Variants in GSK3B observed in about 807,000 individuals in gnomAD.
The protein encoded by GSK3B is glycogen synthase kinase 3 beta, also known as glycogen synthase kinase-3 beta.
In GSK3B, 15 loss-of-function variants were observed where a neutral mutation model predicts 56.4. That is an observed-to-expected ratio of 0.27 (90% CI 0.18 to 0.41). GSK3B has a LOEUF of 0.41. Among genes scored for constraint, GSK3B ranks in the 10% least tolerant of loss-of-function variants. The pLI is 1.00. For synonymous variants in GSK3B, 181 were observed against 188.9 expected (o/e 0.96, Z 0.34); for missense variants, 300 against 513.4 (o/e 0.58, Z 4.02).
chr3:120,018,202 C>T (rs562401463), intron 1 of GSK3B, among the ~76,000 whole-genome samples: 4 of 152,292 alleles, frequency 2.6e-5, no homozygotes, highest in African/African-American at 7.2e-5. Flanking sequence ...GGAACTGAGA[C>T]TCAAAAAATA....
chr3:119,988,657 T>A (rs1017363529), intron 2 of GSK3B, among the ~76,000 whole-genome samples: 3 of 152,218 alleles, frequency 2.0e-5, no homozygotes, highest in African/African-American at 7.2e-5. Context: ...AGACCAGGAA[T>A]ACCAAGTTAT....
chr3:119,999,089 T>C (rs2057651110), intron 2 of GSK3B, among the ~76,000 whole-genome samples: 1 of 152,160 alleles, frequency 6.6e-6, no homozygotes, highest in South Asian at 2.1e-4. Flanking sequence ...TTAATAGCTA[T>C]CAATTGAACA....
rs2058536022 is a variant in GSK3B, at chr3:120,093,773, A to G, written c.-339T>C. The G allele has an allele frequency of 3.7e-6, 1 of 273,870 alleles. No individual in the cohort carries two copies. Among genetic ancestry groups the G allele is most frequent in the Non-Finnish European group, 6.9e-6 (1 of 144,290 alleles). The allele number at this position is 273,870 out of a possible 1,614,324, so 17.0% of individuals were successfully genotyped here. On this transcript the variant is annotated 5_prime_UTR_variant, in exon 1 of 11. Transcript: ENST00000264235. ...TGTATCACGTGAAACGGGGGCAAATACTTGATTGAAAATGAGTACTTCGAA... is the reference window on the plus strand; with the variant it reads ...TGTATCACGTGAAACGGGGGCAAATGCTTGATTGAAAATGAGTACTTCGAA...
chr3:119,888,189 C>T (rs1466099216), intron 7 of GSK3B, among the ~76,000 whole-genome samples: 1 of 151,994 alleles, frequency 6.6e-6, no homozygotes, highest in Admixed American at 6.6e-5. Context: ...ATGATATTTC[C>T]CCCTCATTAA....
At chr3:119,843,704 G>A (rs1415039986) in intron 9 of GSK3B, 1 of 160,256 alleles carries the variant, frequency 6.2e-6, no homozygotes, top group African/African-American at 2.4e-5. Flanking sequence ...AAGAGACTTG[G>A]ACTCCCACAC....
intron 1 of GSK3B, among the ~76,000 whole-genome samples, chr3:120,070,322 C>T (rs2058316726): frequency 6.6e-6 from 1 of 151,712 alleles, no homozygotes; most frequent in Non-Finnish European, 1.5e-5. Context: ...CCAACCTAAG[C>T]CTTATTATTG....
At chr3:120,085,322 T>C (rs1470431091) in intron 1 of GSK3B, among the ~76,000 whole-genome samples, 2 of 152,166 alleles carry the variant, frequency 1.3e-5, no homozygotes, top group Admixed American at 6.5e-5. Context: ...CTTTCCTTCA[T>C]AATTTAAGTA....
At chr3:119,910,586 G>T (rs2056725988) in intron 6 of GSK3B, among the ~76,000 whole-genome samples, 1 of 152,214 alleles carries the variant, frequency 6.6e-6, no homozygotes, top group Non-Finnish European at 1.5e-5. Context: ...GGTGGCAGTT[G>T]CTGAAGGCTA....
rs1212233043 is a variant in GSK3B, at chr3:119,824,646, T to G, written c.*2142A>C. The G allele has an allele frequency of 1.0e-5, 2 of 198,732 alleles. No individual in the cohort carries two copies. Among genetic ancestry groups the G allele is most frequent in the East Asian group, 1.6e-4 (2 of 12,872 alleles). 12.3% of individuals were successfully genotyped at this position (198,732 alleles called of 1,614,324 possible). On this transcript the variant is annotated 3_prime_UTR_variant, in exon 11 of 11. Transcript: ENST00000264235. ...GAGTTATGCTGCCAAATACTTTGAT[T>G]TCAGACTTCTTTCAAATCTTAGCTT... is the stretch of plus-strand genomic sequence containing the variant.
intron 8 of GSK3B, among the ~76,000 whole-genome samples, chr3:119,873,939 A>G (rs538710809): frequency 2.0e-5 from 3 of 152,282 alleles, no homozygotes; most frequent in Admixed American, 6.5e-5. Flanking sequence ...GAACTGAGTC[A>G]TTATTCTACA....
chr3:119,871,751 T>C (rs1295316428), intron 8 of GSK3B, among the ~76,000 whole-genome samples: 1 of 152,114 alleles, frequency 6.6e-6, no homozygotes, highest in Non-Finnish European at 1.5e-5. Context: ...GGGGAACAAC[T>C]AGGAGACAAT....
chr3:120,088,390 TTAACTC>T (rs1487697301), intron 1 of GSK3B, among the ~76,000 whole-genome samples: 6 of 152,226 alleles, frequency 3.9e-5, no homozygotes, highest in South Asian at 2.1e-4. Flanking sequence ...ACAAACTTCT[TTAACTC>T]TACTCAGTTT....
chr3:119,838,910 A>C lies in GSK3B; in HGVS notation c.1195+4345T>G, dbSNP rs983195339. Among the ~76,000 whole-genome samples, 40 of 152,218 alleles carry C rather than the reference A, an allele frequency of 2.6e-4. 1 individual carries two copies. The highest frequency in any genetic ancestry group is 4.4e-5 in the Non-Finnish European group (3 of 68,034). ...TTGTTTTATACTATAATGCTTTCCC[A>C]CAAGTTTTTATCAGCTCACATACAG... On this transcript the variant is annotated intron_variant, in intron 10 of 10. Coordinates refer to ENST00000264235, the MANE Select transcript of GSK3B (RefSeq NM_001146156.2).
In GSK3B at chr3:119,989,561, C is replaced by T. The variant is rs190484638; in HGVS notation, c.282+12485G>A. 1.5e-3 allele frequency among the ~76,000 whole-genome samples: 224 copies of T among 151,532 alleles called. 2 individuals are homozygous for T. The highest frequency in any genetic ancestry group is 5.1e-3 in the African/African-American group (210 of 41,292). ...CTCGGGGGCTGAGACAGGAGAACTG[C>T]TTGAACCTGGGAGTTGGAGGTTGCA... On this transcript the variant is annotated intron_variant, in intron 2 of 10. Coordinates refer to ENST00000264235, the MANE Select transcript of GSK3B (RefSeq NM_001146156.2).
chr3:119,987,943 G>T (rs1445291146), intron 2 of GSK3B, among the ~76,000 whole-genome samples: 1 of 152,078 alleles, frequency 6.6e-6, no homozygotes, highest in African/African-American at 2.4e-5. Context: ...AATTACAATC[G>T]TTATGTTAAA....
intron 1 of GSK3B, among the ~76,000 whole-genome samples, chr3:120,091,079 C>G (rs76332250): frequency 6.6e-6 from 1 of 152,266 alleles, no homozygotes; most frequent in Non-Finnish European, 1.5e-5. Context: ...AACCATCAGT[C>G]TCACCCCTTT....
At chr3:119,992,728 T>C (rs891710991) in intron 2 of GSK3B, among the ~76,000 whole-genome samples, 5 of 151,704 alleles carry the variant, frequency 3.3e-5, no homozygotes, top group Admixed American at 6.6e-5. Context: ...TCAGGGTTGA[T>C]TGGGAAAAAT....
intron 2 of GSK3B, among the ~76,000 whole-genome samples, chr3:119,967,923 T>A (rs1316719657): frequency 4.7e-5 from 7 of 150,398 alleles, no homozygotes; most frequent in Non-Finnish European, 4.4e-5. Context: ...TGGCACAATC[T>A]CCACTCACTA....
intron 10 of GSK3B, among the ~76,000 whole-genome samples, chr3:119,836,122 T>C (rs777346869): frequency 1.4e-4 from 21 of 152,210 alleles, no homozygotes; most frequent in Non-Finnish European, 2.6e-4. Context: ...AACGAGACTA[T>C]AGCCAAATGA....
Sources: allele counts gnomAD v4.1 joint callset (sites outside exome capture counted in the v4.1 genomes callset), GRCh38; gene constraint gnomAD v4.1.1; transcripts MANE v1.5; gene names NCBI Gene and HGNC (gene_info 2026-07-23, HGNC 2026-07-21).